Variants in CACNA2D1 observed in about 807,000 individuals in gnomAD.
CACNA2D1 encodes calcium voltage-gated channel auxiliary subunit alpha2delta 1.
Under a neutral mutation model 171.5 loss-of-function variants are expected in CACNA2D1, and 53 were observed. That is an observed-to-expected ratio of 0.31 (90% confidence interval 0.25 to 0.39). CACNA2D1 has a LOEUF of 0.39. Among genes scored for constraint, CACNA2D1 ranks in the 10% least tolerant of loss-of-function variants. The probability of loss-of-function intolerance (pLI) is 1.00; values close to 1 mark genes in which losing one functional copy is unlikely to be tolerated. For synonymous variants in CACNA2D1, 442 were observed against 443.1 expected (o/e 1.00, Z 0.03); for missense variants, 903 against 1,299.8 (o/e 0.69, Z 4.69).
At chr7:82,269,134 G>A (rs537004063) in intron 3 of CACNA2D1, among the ~76,000 whole-genome samples, 243 of 151,964 alleles carry the variant, frequency 1.6e-3, no homozygotes, top group Middle Eastern at 3.4e-3. Context: ...ATCTCCCATC[G>A]CCTCTATTTG....
At chr7:82,335,611 T>C (rs942480727) in intron 2 of CACNA2D1, among the ~76,000 whole-genome samples, 2 of 151,880 alleles carry the variant, frequency 1.3e-5, no homozygotes, top group African/African-American at 4.8e-5. Flanking sequence ...GAAGGCGAAA[T>C]GGAGCATGGG....
chr7:82,005,908 G>T (rs1306299674), intron 16 of CACNA2D1, 69 bp from the exon 17 acceptor site: 3 of 914,250 alleles, frequency 3.3e-6, no homozygotes, highest in South Asian at 2.6e-5. Context: ...ATTATCATAT[G>T]ATCATCTTTT....
intron 1 of CACNA2D1, among the ~76,000 whole-genome samples, chr7:82,395,799 T>TA: frequency 6.6e-6 from 1 of 152,264 alleles, no homozygotes; most frequent in South Asian, 2.1e-4. Flanking sequence ...GCTAGAAATA[T>TA]TTTCTAGCAT....
At chr7:81,969,550 G>T (rs968158567) in intron 28 of CACNA2D1, among the ~76,000 whole-genome samples, 1 of 150,962 alleles carries the variant, frequency 6.6e-6, no homozygotes, top group East Asian at 1.9e-4. Flanking sequence ...TTAATCAATG[G>T]AATTACTCTA....
At chr7:82,011,978 A>G (rs1321092368) in intron 15 of CACNA2D1, 176 bp downstream of exon 15, 1 of 620,828 alleles carries the variant, frequency 1.6e-6, no homozygotes, top group Non-Finnish European at 2.9e-6. Context: ...TTTCTACTAC[A>G]TACGAGTCTA....
At chr7:82,202,987 G>C (rs1563197136) in intron 3 of CACNA2D1, among the ~76,000 whole-genome samples, 3 of 152,154 alleles carry the variant, frequency 2.0e-5, no homozygotes, top group Non-Finnish European at 2.9e-5. Context: ...GTTGTCCCCA[G>C]AGCAGCACTT....
At chr7:82,085,689 T>C (rs1453186811) in intron 6 of CACNA2D1, among the ~76,000 whole-genome samples, 1 of 151,854 alleles carries the variant, frequency 6.6e-6, no homozygotes, top group Non-Finnish European at 1.5e-5. Context: ...AACAATAGTT[T>C]TTTTTTTTCT....
At chr7:82,312,878 A>C (rs1238191247) in intron 3 of CACNA2D1, among the ~76,000 whole-genome samples, 4 of 152,144 alleles carry the variant, frequency 2.6e-5, no homozygotes, top group Middle Eastern at 3.4e-3. Flanking sequence ...GTGGATTCCC[A>C]CTGTGCCCAT....
chr7:82,085,861 G>A (rs887015878), intron 6 of CACNA2D1, among the ~76,000 whole-genome samples: 3 of 151,864 alleles, frequency 2.0e-5, no homozygotes, highest in African/African-American at 4.8e-5. Flanking sequence ...ATATAATATG[G>A]GTTAAGTGTA....
intron 10 of CACNA2D1, among the ~76,000 whole-genome samples, chr7:82,060,181 ATATATATATTATATATATAT>A (rs1562981476): frequency 1.8e-4 from 4 of 21,876 alleles, no homozygotes; most frequent in African/African-American, 3.5e-4. Flanking sequence ...TATATATAAT[ATATATATATTATATATATAT>A]TATATATATA....
At chr7:82,242,456 C>A (rs1804417312) in intron 3 of CACNA2D1, among the ~76,000 whole-genome samples, 1 of 152,092 alleles carries the variant, frequency 6.6e-6, no homozygotes, top group Non-Finnish European at 1.5e-5. Flanking sequence ...TTCACTACAG[C>A]TATTTTACCT....
chr7:82,016,887 A>ATC (rs1800546026), intron 12 of CACNA2D1, among the ~76,000 whole-genome samples: 1 of 143,518 alleles, frequency 7.0e-6, no homozygotes, highest in Admixed American at 6.8e-5. Flanking sequence ...CATGTCATCA[A>ATC]TGTATAATTT....
intron 3 of CACNA2D1, among the ~76,000 whole-genome samples, chr7:82,306,384 G>A (rs1813738146): frequency 6.6e-6 from 1 of 152,156 alleles, no homozygotes; most frequent in African/African-American, 2.4e-5. Flanking sequence ...TTAAGAAGAA[G>A]GGGATTTTGC....
intron 3 of CACNA2D1, among the ~76,000 whole-genome samples, chr7:82,191,289 C>T (rs552293714): frequency 6.6e-6 from 1 of 151,832 alleles, no homozygotes; most frequent in African/African-American, 2.4e-5. Flanking sequence ...TATAATAATT[C>T]TAGCATGCTT....
intron 4 of CACNA2D1, among the ~76,000 whole-genome samples, chr7:82,159,951 C>T (rs1794770332): frequency 7.0e-6 from 1 of 143,650 alleles, no homozygotes; most frequent in Middle Eastern, 3.5e-3. Flanking sequence ...TATGCAGAAA[C>T]ATTATATCTC....
intron 1 of CACNA2D1, among the ~76,000 whole-genome samples, chr7:82,391,142 A>G (rs1450527741): frequency 6.6e-6 from 1 of 152,164 alleles, no homozygotes; most frequent in East Asian, 1.9e-4. Context: ...GTACTTGTCA[A>G]TATTGAGCAT....
intron 3 of CACNA2D1, among the ~76,000 whole-genome samples, chr7:82,179,719 TACC>T (rs1325953776): frequency 1.3e-5 from 2 of 152,148 alleles, no homozygotes; most frequent in Non-Finnish European, 2.9e-5. Flanking sequence ...TAATAACTTT[TACC>T]ACAATTTCTC....
intron 3 of CACNA2D1, among the ~76,000 whole-genome samples, chr7:82,209,781 G>A (rs143586623): frequency 7.2e-5 from 11 of 152,152 alleles, no homozygotes; most frequent in East Asian, 1.9e-4. Context: ...CTACATAGCC[G>A]GTGCCACATT....
chr7:82,077,107 G>C (rs940547314), intron 7 of CACNA2D1, among the ~76,000 whole-genome samples: 1 of 152,152 alleles, frequency 6.6e-6, no homozygotes, highest in Admixed American at 6.5e-5. Context: ...TAATTTAGAT[G>C]TATAAGTTGA....
Sources: allele counts gnomAD v4.1 joint callset (sites outside exome capture counted in the v4.1 genomes callset), GRCh38; gene constraint gnomAD v4.1.1; transcripts MANE v1.5; gene names NCBI Gene and HGNC (gene_info 2026-07-23, HGNC 2026-07-21).